The following PRELID2 variants were observed in gnomAD, a reference collection of about 807,000 sequenced individuals.
PRELID2 encodes PRELI domain containing 2.
Under a neutral mutation model 28.4 loss-of-function variants are expected in PRELID2, and 25 were observed. That is an observed-to-expected ratio of 0.88 (90% CI 0.64 to 1.23). The LOEUF (loss-of-function observed/expected upper bound fraction) is 1.23, where lower values mean the gene tolerates loss of function less well. Ranked by LOEUF, PRELID2 falls within the 50% of genes most tolerant of loss-of-function variation. The probability of loss-of-function intolerance (pLI) is 0.00; values close to 1 mark genes in which losing one functional copy is unlikely to be tolerated. For synonymous variants in PRELID2, 76 were observed against 71.6 expected (o/e 1.06, Z -0.31); for missense variants, 201 against 214.4 (o/e 0.94, Z 0.39).
intron 1 of PRELID2, among the ~76,000 whole-genome samples, chr5:145,573,654 C>G (rs1026280595): frequency 4.6e-5 from 7 of 152,158 alleles, no homozygotes; most frequent in Admixed American, 2.6e-4. Context: ...CCAGCTTCAT[C>G]CATGTCCCTG....
intron 1 of PRELID2, among the ~76,000 whole-genome samples, chr5:145,519,027 T>G (rs1383348555): frequency 1.3e-5 from 2 of 152,234 alleles, no homozygotes; most frequent in Non-Finnish European, 2.9e-5. Flanking sequence ...TGTCTTTAAC[T>G]TGCCATGACA....
Position 145,640,631 on chromosome 5 carries a change from G to C in PRELID2, n.70+124300C>G, listed in dbSNP as rs539488445. ...TGCACCCCAGCCTGGGCTACAGAGC[G>C]AGACTCTGTCTCAAAAAAAAAAAAA... On this transcript the variant is annotated intron_variant and non_coding_transcript_variant, in intron 1 of 2. Transcript: ENST00000510259. Among the ~76,000 whole-genome samples, 679 of 146,538 alleles carry C rather than the reference G, an allele frequency of 4.6e-3. 3 individuals carry two copies. Among genetic ancestry groups the C allele is most frequent in the African/African-American group, 0.016 (636 of 39,316 alleles).
intron 1 of PRELID2, among the ~76,000 whole-genome samples, chr5:145,517,888 G>C (rs1752530013): frequency 1.3e-5 from 2 of 151,956 alleles, no homozygotes; most frequent in Admixed American, 1.3e-4. Context: ...AACTAACACA[G>C]GAACAGAAAA....
chr5:145,628,253 A>T (rs1753879537), intron 1 of PRELID2, among the ~76,000 whole-genome samples: 1 of 152,032 alleles, frequency 6.6e-6, no homozygotes, highest in Non-Finnish European at 1.5e-5. Context: ...CCCACCCCTC[A>T]CAAGAAGAAA....
At chr5:145,406,250 C>G in the PRELID2 span, among the ~76,000 whole-genome samples, 4 of 152,166 alleles carry the variant, frequency 2.6e-5, no homozygotes, top group Non-Finnish European at 5.9e-5. Flanking sequence ...ATTTGTATAA[C>G]AGGTGGTAGT....
the PRELID2 span, among the ~76,000 whole-genome samples, chr5:145,424,508 G>A: frequency 3.5e-4 from 54 of 152,280 alleles, no homozygotes; most frequent in South Asian, 2.7e-3. Flanking sequence ...TCCAGGTGCC[G>A]TCAGTCACCG....
intron 2 of PRELID2, 70 bp from the exon 3 acceptor site, chr5:145,820,088 T>C (rs958133586): frequency 1.1e-5 from 10 of 928,476 alleles, no homozygotes; most frequent in Non-Finnish European, 1.7e-5. Context: ...TCAATAAATC[T>C]TGCGGGGGTG....
chr5:145,819,050 C>G (rs932053388), intron 3 of PRELID2, among the ~76,000 whole-genome samples: 1 of 152,216 alleles, frequency 6.6e-6, no homozygotes, highest in Non-Finnish European at 1.5e-5. Flanking sequence ...TGCACACGCT[C>G]TCTTGCCTGC....
chr5:145,763,782 AAAACCT>A (rs1183165923), intron 6 of PRELID2, among the ~76,000 whole-genome samples: 1 of 152,252 alleles, frequency 6.6e-6, no homozygotes, highest in African/African-American at 2.4e-5. Flanking sequence ...TCAGATGTTA[AAAACCT>A]AAGGCCTGAC....
chr5:145,796,442 C>T lies in PRELID2; in HGVS notation c.474G>A (p.Lys158=), dbSNP rs962217957. The T allele has an allele frequency of 3.7e-6, 6 of 1,600,728 alleles. No homozygotes were observed. The Admixed American group carries it at 6.8e-5, about 18-fold the overall frequency. Residue 158 remains lysine (K), a splice_region_variant and synonymous_variant, in exon 5 of 7, where the codon AAG becomes AAA. Coordinates refer to ENST00000683046, the MANE Select transcript of PRELID2 (RefSeq NM_205846.3). The part of the protein sequence containing the change: ...ASTFLRQGAQ[K]GIRIMEMLLK... Reference sequence around the variant, plus strand: ...TGGTTCAAAGCAGAAATATGGTTACCTTCTGGGCTCCCTGTCGTAAGAATG... The same window carrying T: ...TGGTTCAAAGCAGAAATATGGTTACTTTCTGGGCTCCCTGTCGTAAGAATG...
chr5:145,666,185 C>T (rs539101534), intron 1 of PRELID2, among the ~76,000 whole-genome samples: 1 of 152,080 alleles, frequency 6.6e-6, no homozygotes, highest in South Asian at 2.1e-4. Flanking sequence ...TTAGAGAACA[C>T]TCCAGCTGCA....
chr5:145,781,271 G>A (rs2149794679), intron 5 of PRELID2, among the ~76,000 whole-genome samples: 1 of 152,270 alleles, frequency 6.6e-6, no homozygotes, highest in South Asian at 2.1e-4. Flanking sequence ...ATGCTGCAGG[G>A]CTGAAGGACA....
intron 1 of PRELID2, among the ~76,000 whole-genome samples, chr5:145,740,606 ATATATATAAATATATATATAT>A (rs1756651120): frequency 7.0e-4 from 3 of 4,298 alleles, no homozygotes; most frequent in East Asian, 0.016. Context: ...TATATATATT[ATATATATAAATATATATATAT>A]TATATATATA....
chr5:145,447,518 T>G, the PRELID2 span, among the ~76,000 whole-genome samples: 8 of 144,516 alleles, frequency 5.5e-5, no homozygotes, highest in Non-Finnish European at 1.1e-4. Flanking sequence ...ATGTGCATAT[T>G]GTGCAGGTTA....
At position 145,703,410 on chromosome 5, in the gene PRELID2, A is replaced by G. The variant is rs141373369; in HGVS notation, n.70+61521T>C. Among the ~76,000 whole-genome samples, 3 of 152,316 alleles carry G rather than the reference A, an allele frequency of 2.0e-5. 1 individual carries two copies. Among genetic ancestry groups the G allele is most frequent in the Admixed American group, 2.0e-4 (3 of 15,300 alleles). On this transcript the variant is annotated intron_variant and non_coding_transcript_variant, in intron 1 of 2. Transcript: ENST00000510259. ...CATCATCAGATTCCATGTGGTAGAC[A>G]TGCCCCAAATACACACAGTAGCTTC...
chr5:145,774,404 A>C lies in PRELID2; in HGVS notation c.475-9404T>G, dbSNP rs138153934. On this transcript the variant is annotated intron_variant, in intron 5 of 6. Transcript: ENST00000683046. ...AGAGGGAAGAGAATAAGTACACTTC[A>C]CTGCAGGATCACTCCTGAAGATTAA... Among the ~76,000 whole-genome samples the C allele has an allele frequency of 6.2e-4, 95 of 152,346 alleles. No individual in the cohort carries two copies. The East Asian group carries it at 0.016, about 26-fold the overall frequency.
At chr5:145,283,800 G>A in the PRELID2 span, among the ~76,000 whole-genome samples, 2 of 152,150 alleles carry the variant, frequency 1.3e-5, no homozygotes, top group Non-Finnish European at 2.9e-5. Context: ...ATTAGCTGGT[G>A]TTGTATTATT....
At chr5:145,468,875 C>T (rs1162573104), downstream of PRELID2, among the ~76,000 whole-genome samples, 1 of 152,178 alleles carries the variant, frequency 6.6e-6, no homozygotes, top group Non-Finnish European at 1.5e-5. Context: ...TGCCTGCTCA[C>T]TCTGATGGTA....
intron 4 of PRELID2, among the ~76,000 whole-genome samples, chr5:145,813,298 G>A (rs1264879645): frequency 6.6e-6 from 1 of 152,074 alleles, no homozygotes; most frequent in African/African-American, 2.4e-5. Flanking sequence ...ATCTTTCTTG[G>A]ATGCCCCCAC....
Sources: gnomAD v4.1 joint callset for allele counts (sites outside exome capture counted in the v4.1 genomes callset) on GRCh38, gnomAD v4.1.1 for gene constraint, MANE v1.5 for transcripts, NCBI Gene and HGNC (gene_info 2026-07-23, HGNC 2026-07-21) for gene names.